Variants in CUX2 observed in about 807,000 individuals in gnomAD.
The protein encoded by CUX2 is cut like homeobox 2.
Under a neutral mutation model 144.8 loss-of-function variants are expected in CUX2, and 40 were observed. The ratio of observed to expected loss-of-function variants is 0.28; its 90% CI spans 0.21 to 0.36. The LOEUF (loss-of-function observed/expected upper bound fraction) is 0.36. Ranked by LOEUF, CUX2 falls within the 10% of genes least tolerant of loss-of-function variation. The pLI, the probability that CUX2 is intolerant of heterozygous loss-of-function variation, is 1.00. For missense variants in CUX2, 1,615 were observed against 1,994.0 expected (o/e 0.81, Z 3.62); for synonymous variants, 827 against 875.6 (o/e 0.94, Z 0.98).
At position 111,307,044 on chromosome 12, in the gene CUX2, G is replaced by A; in HGVS notation, c.982G>A (p.Glu328Lys). 4.3e-6 allele frequency: 7 copies of A among 1,613,750 alleles called. No homozygotes were observed. The highest frequency in any genetic ancestry group is 5.9e-6 in the Non-Finnish European group (7 of 1,179,810). ...QHLQSSLQEL[E>K]EASANQIADL... is the part of the protein sequence containing the mutation. Reference sequence around the variant, plus strand: ...CCTCCAGAGCTCACTGCAGGAGCTGGAGGAGGCATCCGCCAACCAGATCGC... The same window carrying A: ...CCTCCAGAGCTCACTGCAGGAGCTGAAGGAGGCATCCGCCAACCAGATCGC... The change falls in exon 11 of 22, where the codon GAG becomes AAG. Residue 328 changes from glutamate (E) to lysine (K), a missense_variant. Glu to Lys is a moderately conservative substitution (Grantham distance 56). This residue lies in a region of CUX2 where 295 missense variants were observed against 400.2 expected (regional missense o/e 0.74). Transcript: ENST00000261726. This position sits in a 1 kb window ranked among gnomAD's most constrained non-coding sequence, Gnocchi z 4.1.
intron 1 of CUX2, among the ~76,000 whole-genome samples, chr12:111,053,055 C>T (rs1870352826): frequency 6.6e-6 from 1 of 152,068 alleles, no homozygotes; most frequent in African/African-American, 2.4e-5. Context: ...AACAGACTGG[C>T]TCTGCTCTTG....
chr12:111,086,189 C>T (rs1872205029), intron 1 of CUX2, among the ~76,000 whole-genome samples: 1 of 152,216 alleles, frequency 6.6e-6, no homozygotes, highest in South Asian at 2.1e-4. Flanking sequence ...CTGCTAAAGA[C>T]ATTGGCCACT....
At chr12:111,043,511 A>G (rs1394231029) in intron 1 of CUX2, among the ~76,000 whole-genome samples, 2 of 152,196 alleles carry the variant, frequency 1.3e-5, no homozygotes, top group African/African-American at 4.8e-5. Flanking sequence ...GATGGAGGAT[A>G]TAATACGACA....
intron 1 of CUX2, among the ~76,000 whole-genome samples, chr12:111,138,886 C>T (rs1047473031): frequency 1.2e-4 from 18 of 152,132 alleles, no homozygotes; most frequent in South Asian, 2.1e-4. Flanking sequence ...CTCCCAGGGG[C>T]GACACTGGAC....
At chr12:111,198,715 G>A (rs1023016511) in intron 1 of CUX2, among the ~76,000 whole-genome samples, 5 of 152,236 alleles carry the variant, frequency 3.3e-5, no homozygotes, top group African/African-American at 4.8e-5. Context: ...GGCCAGCGAG[G>A]GCCCTGCTGA....
chr12:111,121,398 ACGGATT>A (rs1874678865), intron 1 of CUX2, among the ~76,000 whole-genome samples: 1 of 65,326 alleles, frequency 1.5e-5, no homozygotes, highest in Non-Finnish European at 2.8e-5. Context: ...TTTTTTTGAG[ACGGATT>A]CTTGCTCTAT....
chr12:111,080,341 A>C lies in CUX2; in HGVS notation c.63+46101A>C, dbSNP rs530831548. Among the ~76,000 whole-genome samples the C allele has an allele frequency of 1.8e-4, 27 of 152,086 alleles. 1 individual carries two copies. In the South Asian group the frequency reaches 5.4e-3, roughly 30 times the overall value. On this transcript the variant is annotated intron_variant, in intron 1 of 21. Transcript: ENST00000261726. ...TAACATGATTGAACATTTATATTTC[A>C]CCCATTTACCTTGTTTGCTGATTTC... is the stretch of plus-strand genomic sequence containing the variant.
In CUX2 at chr12:111,341,762, C is replaced by G; in HGVS notation, c.3386-18C>G. 1 of 1,563,282 alleles carries G rather than the reference C, an allele frequency of 6.4e-7. No homozygotes were observed. The highest frequency in any genetic ancestry group is 1.2e-5 in the South Asian group (1 of 84,506). ...TGGGGACACCACCTCTCAGCCCTCC[C>G]TCTCTTCCTGGCCCCAGCCTACCTG... is the stretch of plus-strand genomic sequence containing the variant. On this transcript the variant is annotated intron_variant, in intron 20 of 21. Coordinates refer to ENST00000261726, the MANE Select transcript of CUX2 (RefSeq NM_015267.4).
intron 3 of CUX2, among the ~76,000 whole-genome samples, chr12:111,242,507 T>C (rs543153297): frequency 3.7e-4 from 57 of 152,188 alleles, no homozygotes; most frequent in Non-Finnish European, 5.7e-4. Context: ...GGTTTGCTGA[T>C]CTGTGTTCCT....
rs770518604 is a variant in CUX2 at position 111,057,863 on chromosome 12, T to C, written c.63+23623T>C. 6.6e-6 allele frequency among the ~76,000 whole-genome samples: 1 copy of C among 152,252 alleles called. No individual in the cohort carries two copies. Among genetic ancestry groups the C allele is most frequent in the Non-Finnish European group, 1.5e-5 (1 of 68,040 alleles). On this transcript the variant is annotated intron_variant, in intron 1 of 21. Coordinates refer to ENST00000261726, the MANE Select transcript of CUX2 (RefSeq NM_015267.4). This position sits in a 1 kb window ranked among gnomAD's most constrained non-coding sequence, Gnocchi z 5.1. Reference sequence around the variant, plus strand: ...CTTTTGAAATGAATTTGATGTCATCTGCCCAGAGTCACTTAATGGGGACGC... The same window carrying C: ...CTTTTGAAATGAATTTGATGTCATCCGCCCAGAGTCACTTAATGGGGACGC...
In CUX2 at chr12:111,289,729, G is replaced by T. The variant is rs1312918284; in HGVS notation, c.302-1689G>T. ...CATCTTACATCTAGATGTGTGTTTT[G>T]CCCCCGAAAAAGTCCTTAACCAACA... On this transcript the variant is annotated intron_variant, in intron 4 of 21. Coordinates refer to ENST00000261726, the MANE Select transcript of CUX2 (RefSeq NM_015267.4). This position sits in a 1 kb window ranked among gnomAD's most constrained non-coding sequence, Gnocchi z 4.1. Among the ~76,000 whole-genome samples, 4 of 151,984 alleles carry T rather than the reference G, an allele frequency of 2.6e-5. No homozygotes were observed. The highest frequency in any genetic ancestry group is 9.7e-5 in the African/African-American group (4 of 41,370).
intron 1 of CUX2, among the ~76,000 whole-genome samples, chr12:111,210,354 T>C (rs1342274055): frequency 6.6e-6 from 1 of 152,206 alleles, no homozygotes; most frequent in East Asian, 1.9e-4. Context: ...ATGTCTTTGC[T>C]TGATACAGTA....
chr12:111,347,618 T>TACCCC lies in CUX2; in HGVS notation c.3754_3755insACCCC (p.Ser1252TyrfsTer23). ...TCCTGGAATCCTACCGCCAGGCCACTCCCACCCAGACCCCACCCCGCAGAG... is the reference window on the plus strand; with the variant it reads ...TCCTGGAATCCTACCGCCAGGCCACTACCCCCCCACCCAGACCCCACCCCGCAGAG... On this transcript the variant is annotated frameshift_variant, in exon 22 of 22. Transcript: ENST00000261726. LOFTEE classifies it low-confidence loss of function (END_TRUNC). The TACCCC allele has an allele frequency of 6.6e-7, 1 of 1,517,754 alleles. No individual in the cohort carries two copies. Among genetic ancestry groups the TACCCC allele is most frequent in the Non-Finnish European group, 9.1e-7 (1 of 1,094,666 alleles). 94.0% of individuals were successfully genotyped at this position (1,517,754 alleles called of 1,614,324 possible). A position where few individuals can be genotyped will look rare whatever the true frequency, so the allele number is the denominator to read the frequency against.
intron 1 of CUX2, among the ~76,000 whole-genome samples, chr12:111,170,982 A>G (rs1878486995): frequency 6.6e-6 from 1 of 152,100 alleles, no homozygotes; most frequent in Non-Finnish European, 1.5e-5. Context: ...GTCAAGGTGC[A>G]TGGGAATGGG....
At chr12:111,105,897 C>T (rs1204349384) in intron 1 of CUX2, among the ~76,000 whole-genome samples, 1 of 146,440 alleles carries the variant, frequency 6.8e-6, no homozygotes, top group African/African-American at 2.6e-5. Context: ...CAGAGTCCCT[C>T]TCTGTTGCCC....
At chr12:111,249,433 G>GC (rs1883450866) in intron 3 of CUX2, among the ~76,000 whole-genome samples, 1 of 79,910 alleles carries the variant, frequency 1.3e-5, no homozygotes, top group Admixed American at 1.3e-4. Context: ...TAAATTAATA[G>GC]ACCCTTTTTT....
At position 111,039,057 on chromosome 12, in the gene CUX2, T is replaced by C. The variant is rs1296141538; in HGVS notation, c.63+4817T>C. Among the ~76,000 whole-genome samples, 1 of 152,192 alleles carries C rather than the reference T, an allele frequency of 6.6e-6. No individual in the cohort carries two copies. Among genetic ancestry groups the C allele is most frequent in the Non-Finnish European group, 1.5e-5 (1 of 68,038 alleles). ...CTTCCGGCAGATGGGATTTCAAACGTGAGCACCTTGGCTAGTGCTAAATAT... is the reference window on the plus strand; with the variant it reads ...CTTCCGGCAGATGGGATTTCAAACGCGAGCACCTTGGCTAGTGCTAAATAT... On this transcript the variant is annotated intron_variant, in intron 1 of 21. Transcript: ENST00000261726. This position sits in a 1 kb window ranked among gnomAD's most constrained non-coding sequence, Gnocchi z 4.2.
chr12:111,166,894 A>G (rs957620680), intron 1 of CUX2, among the ~76,000 whole-genome samples: 6 of 152,030 alleles, frequency 3.9e-5, no homozygotes, highest in Non-Finnish European at 8.8e-5. Flanking sequence ...GTTGGAAGGG[A>G]ATCTTGGCCA....
chr12:111,317,080 A>C (rs1359850295), intron 16 of CUX2, among the ~76,000 whole-genome samples: 1 of 152,204 alleles, frequency 6.6e-6, no homozygotes, highest in Non-Finnish European at 1.5e-5. Context: ...TTTTTATGAC[A>C]AAATAATGTT....
Sources: gnomAD v4.1 joint callset for allele counts (sites outside exome capture counted in the v4.1 genomes callset) on GRCh38, gnomAD v4.1.1 for gene constraint, gnomAD v4.1.1 regional missense constraint, Gnocchi (gnomAD v3.1) non-coding constraint, MANE v1.5 for transcripts, NCBI Gene and HGNC (gene_info 2026-07-23, HGNC 2026-07-21) for gene names.